Variants in SIGLEC10 observed in about 807,000 individuals in gnomAD.
SIGLEC10 encodes sialic acid binding Ig like lectin 10.
In SIGLEC10, 45 loss-of-function variants were observed where a neutral mutation model predicts 68.3. The ratio of observed to expected loss-of-function variants is 0.66; its 90% CI spans 0.52 to 0.84. The LOEUF is 0.84. Ranked by LOEUF, SIGLEC10 falls within the 40% of genes least tolerant of loss-of-function variation. The pLI, the probability that SIGLEC10 is intolerant of heterozygous loss-of-function variation, is 0.00. For missense variants in SIGLEC10, 789 were observed against 883.1 expected (o/e 0.89, Z 1.35); for synonymous variants, 379 against 370.8 (o/e 1.02, Z -0.26).
chr19:51,417,447 C>T lies in SIGLEC10; in HGVS notation c.56G>A (p.Gly19Glu). ...SLLGGSQAMD[G>E]RFWIRVQESV... ...CTCCTGCACTCGTATCCAGAATCTCCCATCCATAGCCTGGGACCCTGTGGG... is the reference window on the plus strand; with the variant it reads ...CTCCTGCACTCGTATCCAGAATCTCTCATCCATAGCCTGGGACCCTGTGGG... The change falls in exon 2 of 11, where the codon GGG becomes GAG. Residue 19 changes from glycine to glutamate, a missense_variant. Transcript: ENST00000339313. The T allele has an allele frequency of 6.2e-7, 1 of 1,613,728 alleles. No individual in the cohort carries two copies.
At chr19:51,413,146 G>T (rs898322523) in intron 10 of SIGLEC10, among the ~76,000 whole-genome samples, 2 of 152,090 alleles carry the variant, frequency 1.3e-5, no homozygotes, top group South Asian at 2.1e-4. Flanking sequence ...AGAATTTACA[G>T]AGTATTACCC....
rs752339602 is a variant in SIGLEC10 at position 51,417,281 on chromosome 19, G to A, written c.222C>T (p.Ala74=). 12 of 1,614,112 alleles carry A rather than the reference G, an allele frequency of 7.4e-6. No homozygotes were observed. Among genetic ancestry groups the A allele is most frequent in the Non-Finnish European group, 8.5e-7 (1 of 1,180,036 alleles). The change falls in exon 2 of 11, where the codon GCC becomes GCT. Residue 74 remains alanine (A), a synonymous_variant. Transcript: ENST00000339313. ...CCACCTCTCGACTCTGGTGGTTTGT[G>A]GCCACAGGAGCACCCTTGGTTGTCT... ...VTETTKGAPV[A]TNHQSREVEM... is the part of the protein sequence containing the mutation.
At chr19:51,412,707 C>T (rs1191532134) in intron 10 of SIGLEC10, among the ~76,000 whole-genome samples, 1 of 151,822 alleles carries the variant, frequency 6.6e-6, no homozygotes, top group Non-Finnish European at 1.5e-5. Flanking sequence ...AAATTTTGAC[C>T]TCAGGCGATC....
chr19:51,416,586 G>A (rs71358835), intron 3 of SIGLEC10, 80 bp downstream of exon 3: 17,502 of 1,583,276 alleles, frequency 0.011, 272 homozygotes, highest in East Asian at 0.058. Flanking sequence ...GCTGGGAGCC[G>A]CTCACTGTCC....
Position 51,415,332 on chromosome 19 carries a change from G to A in SIGLEC10, c.1179C>T (p.Thr393=). Residue 393 remains threonine, a synonymous_variant, in exon 7 of 11, where the codon ACC becomes ACT. Coordinates refer to ENST00000339313, the MANE Select transcript of SIGLEC10 (RefSeq NM_033130.5). The part of the protein sequence containing the change: ...HSSPPARLSW[T]QRGQVLSPSQ... ...AGGGGCTCAGAACCTGTCCCCTCTGGGTCCAGCTCAGCCTGGCTGGGGGGC... is the reference window on the plus strand; with the variant it reads ...AGGGGCTCAGAACCTGTCCCCTCTGAGTCCAGCTCAGCCTGGCTGGGGGGC... 6.2e-7 allele frequency: 1 copy of A among 1,613,630 alleles called. No homozygotes were observed.
In SIGLEC10 at chr19:51,414,664, C is replaced by T. The variant is rs1400481532; in HGVS notation, c.1616-149G>A. 28 of 1,377,140 alleles carry T rather than the reference C, an allele frequency of 2.0e-5. No individual in the cohort carries two copies. The South Asian group carries it at 2.5e-4, about 13-fold the overall frequency. The allele number at this position is 1,377,140 out of a possible 1,614,324, so 85.3% of individuals were successfully genotyped here. ...ACTTTTAGGAAACCCTGCCACACCC[C>T]GGCCCAGGTGTTAGGACTTCCCATT... On this transcript the variant is annotated intron_variant, in intron 8 of 10. Coordinates refer to ENST00000339313, the MANE Select transcript of SIGLEC10 (RefSeq NM_033130.5). This position sits in a 1 kb window ranked among gnomAD's most constrained non-coding sequence, Gnocchi z 4.1.
rs768815662 is a variant in SIGLEC10 at position 51,414,604 on chromosome 19, C to A, written c.1616-89G>T. ...CACTCGGCATTAAGGCTTCCGGTTC[C>A]CATGGCGGACATTGTATCTGCAACC... On this transcript the variant is annotated intron_variant, in intron 8 of 10. Coordinates refer to ENST00000339313, the MANE Select transcript of SIGLEC10 (RefSeq NM_033130.5). The surrounding 1 kb of genome is among the most constrained non-coding windows in gnomAD (Gnocchi z 4.1). 1 of 1,425,296 alleles carries A rather than the reference C, an allele frequency of 7.0e-7. No individual in the cohort carries two copies. The highest frequency in any genetic ancestry group is 9.8e-7 in the Non-Finnish European group (1 of 1,020,598). 88.3% of individuals were successfully genotyped at this position (1,425,296 alleles called of 1,614,324 possible).
At position 51,411,323 on chromosome 19, in the gene SIGLEC10, G is replaced by C. The variant is rs368033766; in HGVS notation, c.1870C>G (p.Leu624Val). The stretch of plus-strand genomic sequence containing the variant: ...TCTGGGGAGGGAGCACCTGGTGGAA[G>C]AGGGGTCCGAGGACTGTTTGGTGTG... ...KATPNSPRTP[L>V]PPGAPSPESK... The change falls in exon 11 of 11, where the codon CTT becomes GTT. Residue 624 changes from leucine to valine, a missense_variant. By Grantham distance (32) the Leu-to-Val change is conservative. Transcript: ENST00000339313. 1.2e-6 allele frequency: 2 copies of C among 1,614,098 alleles called. No individual in the cohort carries two copies. Among genetic ancestry groups the C allele is most frequent in the Non-Finnish European group, 1.7e-6 (2 of 1,180,038 alleles).
rs553068221 is a variant in SIGLEC10 at position 51,413,906 on chromosome 19, A to G, written c.1710-83T>C. ...ACGTTTACTACCTGAGACCGTCACT[A>G]TGACAGTTACTACTGTTACCACTTG... On this transcript the variant is annotated intron_variant, in intron 9 of 10. Coordinates refer to ENST00000339313, the MANE Select transcript of SIGLEC10 (RefSeq NM_033130.5). 6 of 1,045,806 alleles carry G rather than the reference A, an allele frequency of 5.7e-6. No homozygotes were observed. The African/African-American group carries it at 6.2e-5, about 11-fold the overall frequency. 64.8% of individuals were successfully genotyped at this position (1,045,806 alleles called of 1,614,324 possible).
rs200329927 is a variant in SIGLEC10, at chr19:51,411,262, G to A, written c.1931C>T (p.Pro644Leu). ...KKNQKKQYQLPSFPEPKSSTQ... is the reference protein window; with the variant it reads ...KKNQKKQYQLLSFPEPKSSTQ... ...GGATGATTTGGGTTCTGGGAAACTG[G>A]GCAACTGATACTGCTTTTTCTGGTT... Residue 644 changes from proline (P) to leucine (L), a missense_variant, in exon 11 of 11, where the codon CCC becomes CTC. Pro to Leu is a moderately conservative substitution (Grantham distance 98). Coordinates refer to ENST00000339313, the MANE Select transcript of SIGLEC10 (RefSeq NM_033130.5). 97 of 1,614,026 alleles carry A rather than the reference G, an allele frequency of 6.0e-5. No individual in the cohort carries two copies. Among genetic ancestry groups the A allele is most frequent in the Middle Eastern group, 3.3e-4 (2 of 6,084 alleles).
In SIGLEC10 at chr19:51,416,965, GT is replaced by G. The variant is rs371231712; in HGVS notation, c.422-16del. On this transcript the variant is annotated splice_polypyrimidine_tract_variant and intron_variant, in intron 2 of 10. Transcript: ENST00000339313. The stretch of plus-strand genomic sequence containing the variant: ...CTGAGTCAGGGCTGGGACAGAGACC[GT>G]GGTGGGAGATTCTTGTGCTGCAGGG... 5,164 of 1,603,544 alleles carry G rather than the reference GT, an allele frequency of 3.2e-3. 41 individuals carry two copies. Among genetic ancestry groups the G allele is most frequent in the African/African-American group, 0.027 (1,998 of 74,784 alleles).
Position 51,417,324 on chromosome 19 carries a change from C to T in SIGLEC10, c.179G>A (p.Trp60Ter). The T allele has an allele frequency of 6.2e-7, 1 of 1,614,222 alleles. No homozygotes were observed. The highest frequency in any genetic ancestry group is 8.5e-7 in the Non-Finnish European group (1 of 1,180,032). Reference sequence around the variant, plus strand: ...GGTTGTCTCAGTCACTGCTTTGAACCAGTAGCCATAAGCTGGGGTAGACCC... The same window carrying T: ...GGTTGTCTCAGTCACTGCTTTGAACTAGTAGCCATAAGCTGGGGTAGACCC... ...WTGSTPAYGY[W>*]FKAVTETTKG... is the part of the protein sequence containing the mutation. The change falls in exon 2 of 11, where the codon TGG (tryptophan) becomes TAG (stop). Residue 60 changes from tryptophan to a stop codon, truncating the protein, a stop_gained. Coordinates refer to ENST00000339313, the MANE Select transcript of SIGLEC10 (RefSeq NM_033130.5). LOFTEE classifies it high-confidence loss of function.
intron 10 of SIGLEC10, among the ~76,000 whole-genome samples, chr19:51,412,695 TA>T (rs1462600564): frequency 6.6e-6 from 1 of 151,974 alleles, no homozygotes; most frequent in Non-Finnish European, 1.5e-5. Flanking sequence ...ACGCTGCTCT[TA>T]AAATTTTGAC....
In SIGLEC10 at chr19:51,415,962, G is replaced by A. The variant is rs759153164; in HGVS notation, c.960C>T (p.Arg320=). ...LPGVKAGDSG[R]YTCRAENRLG... is the part of the protein sequence containing the mutation. The stretch of plus-strand genomic sequence containing the variant: ...GCCTGTTCTCCGCTCGGCAGGTGTA[G>A]CGCCCTGAATCCCCAGCCTTCACCC... Residue 320 remains arginine, a synonymous_variant, in exon 5 of 11, where the codon CGC becomes CGT. Coordinates refer to ENST00000339313, the MANE Select transcript of SIGLEC10 (RefSeq NM_033130.5). The A allele has an allele frequency of 6.8e-6, 11 of 1,613,530 alleles. No homozygotes were observed. The highest frequency in any genetic ancestry group is 1.3e-5 in the African/African-American group (1 of 74,904).
chr19:51,416,217 G>GA (rs1249526415), intron 4 of SIGLEC10, 50 bp from the exon 5 acceptor site: 1 of 1,607,918 alleles, frequency 6.2e-7, no homozygotes, highest in South Asian at 1.1e-5. Context: ...GAGAAAGAGA[G>GA]AAGGGGTACA....
intron 10 of SIGLEC10, 119 bp downstream of exon 10, chr19:51,413,593 T>A (rs1432665974): frequency 3.5e-6 from 3 of 864,290 alleles, no homozygotes; most frequent in East Asian, 5.0e-5. Context: ...AGGATTTGAA[T>A]TCAGAACTAT....
At chr19:51,413,351 C>A (rs1988191206) in intron 10 of SIGLEC10, among the ~76,000 whole-genome samples, 1 of 152,112 alleles carries the variant, frequency 6.6e-6, no homozygotes. Context: ...TGATTTCAGA[C>A]CCCCTGTGCT....
intron 10 of SIGLEC10, among the ~76,000 whole-genome samples, chr19:51,412,283 A>T (rs1217129705): frequency 6.6e-6 from 1 of 152,074 alleles, no homozygotes; most frequent in African/African-American, 2.4e-5. Flanking sequence ...GGGGGTGTTG[A>T]TGCATGGCTT....
chr19:51,414,765 A>G lies in SIGLEC10; in HGVS notation c.1615+59T>C, dbSNP rs1342264492. 6.2e-7 allele frequency: 1 copy of G among 1,604,884 alleles called. No homozygotes were observed. Among genetic ancestry groups the G allele is most frequent in the Non-Finnish European group, 8.5e-7 (1 of 1,177,080 alleles). On this transcript the variant is annotated intron_variant, in intron 8 of 10. Coordinates refer to ENST00000339313, the MANE Select transcript of SIGLEC10 (RefSeq NM_033130.5). This position sits in a 1 kb window ranked among gnomAD's most constrained non-coding sequence, Gnocchi z 4.1. ...GCTCCTGCTCCAACCACAGGACCCT[A>G]CTCTTTGCCCCAGTCAGCTTCTCCT...
Sources: allele counts gnomAD v4.1 joint callset (sites outside exome capture counted in the v4.1 genomes callset), GRCh38; gene constraint gnomAD v4.1.1; non-coding constraint Gnocchi (gnomAD v3.1); transcripts MANE v1.5; gene names NCBI Gene and HGNC (gene_info 2026-07-23, HGNC 2026-07-21).